Variants in ARSG observed in about 807,000 individuals in gnomAD.
ARSG encodes the protein ASG.
In ARSG, 37 loss-of-function variants were observed where a neutral mutation model predicts 50.5. The ratio of observed to expected loss-of-function variants is 0.73; its 90% CI spans 0.56 to 0.96. The LOEUF is 0.96. Ranked by LOEUF, ARSG falls within the 50% of genes least tolerant of loss-of-function variation. The probability of loss-of-function intolerance (pLI) is 0.00; values close to 1 mark genes in which losing one functional copy is unlikely to be tolerated. For missense variants in ARSG, 629 were observed against 675.3 expected (o/e 0.93, Z 0.76); for synonymous variants, 225 against 254.6 (o/e 0.88, Z 1.11).
intron 1 of ARSG, among the ~76,000 whole-genome samples, chr17:68,305,524 C>T (rs748587812): frequency 4.6e-5 from 7 of 152,140 alleles, no homozygotes; most frequent in Non-Finnish European, 7.3e-5. Context: ...TTCATATGTA[C>T]CTCCATGTGT....
chr17:68,341,971 C>T (rs970838199), intron 2 of ARSG, among the ~76,000 whole-genome samples: 16 of 152,062 alleles, frequency 1.1e-4, no homozygotes, highest in Middle Eastern at 3.4e-3. Flanking sequence ...AGGCATGCAC[C>T]ACCATGCCTG....
intron 8 of ARSG, among the ~76,000 whole-genome samples, chr17:68,377,986 ACTT>A (rs1044072955): frequency 2.0e-4 from 30 of 152,250 alleles, no homozygotes; most frequent in East Asian, 1.2e-3. Flanking sequence ...GGGGGTAAAT[ACTT>A]CTTCTTCCTC....
chr17:68,360,075 T>C (rs1006328274), intron 6 of ARSG, among the ~76,000 whole-genome samples: 1 of 152,194 alleles, frequency 6.6e-6, no homozygotes, highest in Non-Finnish European at 1.5e-5. Flanking sequence ...GGCCGTTTAA[T>C]GCCCCCTCCG....
intron 11 of ARSG, among the ~76,000 whole-genome samples, chr17:68,407,027 A>G (rs951083482): frequency 1.3e-5 from 2 of 152,240 alleles, no homozygotes; most frequent in Non-Finnish European, 2.9e-5. Context: ...TTCTTAATCC[A>G]TGTTGAGTTG....
At chr17:68,404,552 C>T (rs1345812973) in intron 11 of ARSG, among the ~76,000 whole-genome samples, 1 of 152,078 alleles carries the variant, frequency 6.6e-6, no homozygotes, top group Non-Finnish European at 1.5e-5. Flanking sequence ...AATGATGTAT[C>T]ATACTTTTTA....
chr17:68,370,972 C>T (rs564891809), intron 8 of ARSG, among the ~76,000 whole-genome samples: 97 of 129,924 alleles, frequency 7.5e-4, no homozygotes, highest in African/African-American at 1.9e-3. Flanking sequence ...ACATTGTCTC[C>T]AGTTCTTACA....
downstream of ARSG, chr17:68,422,107 A>G: frequency 2.6e-6 from 1 of 383,782 alleles, no homozygotes; most frequent in Non-Finnish European, 4.9e-6. Context: ...TCTTACTTGT[A>G]AACATGGACT....
the ARSG span, among the ~76,000 whole-genome samples, chr17:68,445,944 G>A: frequency 0.11 from 16,216 of 152,122 alleles, 949 homozygotes; most frequent in South Asian, 0.21. Context: ...GTTTTTAGAC[G>A]AATACCAGGT....
rs782183715 is a variant in ARSG, at chr17:68,307,727, C to T, written c.218+16C>T. On this transcript the variant is annotated intron_variant, in intron 2 of 11. Coordinates refer to ENST00000621439, the MANE Select transcript of ARSG (RefSeq NM_001267727.2). ...AGGGAATGAGGTGAGTCTTGAGATG[C>T]CAGGCCAGCCTTTCTTTGGATGTCT... 3.7e-6 allele frequency: 5 copies of T among 1,355,436 alleles called. No individual in the cohort carries two copies. The highest frequency in any genetic ancestry group is 5.3e-6 in the Non-Finnish European group (5 of 946,784). 84.0% of individuals were successfully genotyped at this position (1,355,436 alleles called of 1,614,324 possible).
intron 1 of ARSG, among the ~76,000 whole-genome samples, chr17:68,297,629 TAAAA>T (rs1289461739): frequency 1.1e-4 from 16 of 152,282 alleles, no homozygotes; most frequent in Admixed American, 9.2e-4. Context: ...TTTTTAAAAT[TAAAA>T]AAATTTTTTT....
intron 1 of ARSG, among the ~76,000 whole-genome samples, chr17:68,305,352 C>A (rs1328946978): frequency 2.0e-5 from 3 of 152,148 alleles, no homozygotes; most frequent in African/African-American, 4.8e-5. Flanking sequence ...TTTCTTCTTG[C>A]ACTAGCCTCA....
intron 2 of ARSG, among the ~76,000 whole-genome samples, chr17:68,315,378 C>G (rs1394336436): frequency 6.6e-6 from 1 of 151,880 alleles, no homozygotes; most frequent in Non-Finnish European, 1.5e-5. Flanking sequence ...TTCATCTCTA[C>G]AAAAAAATCA....
intron 1 of ARSG, chr17:68,269,005 A>C: frequency 6.4e-7 from 1 of 1,565,156 alleles, no homozygotes; most frequent in Admixed American, 1.9e-5. Context: ...AGTGGAGTAG[A>C]GGGGTTAGCT....
intron 9 of ARSG, among the ~76,000 whole-genome samples, chr17:68,390,021 C>A (rs2080919634): frequency 6.6e-6 from 1 of 151,974 alleles, no homozygotes; most frequent in Admixed American, 6.6e-5. Flanking sequence ...GAGTTTCACT[C>A]TTGTCACCCA....
At chr17:68,284,775 C>T (rs530243935) in intron 1 of ARSG, among the ~76,000 whole-genome samples, 69 of 152,266 alleles carry the variant, frequency 4.5e-4, no homozygotes, top group Admixed American at 1.8e-3. Context: ...TACACTATTA[C>T]GGCTAAATAT....
At chr17:68,445,541 A>C in the ARSG span, among the ~76,000 whole-genome samples, 452 of 152,006 alleles carry the variant, frequency 3.0e-3, 4 homozygotes, top group African/African-American at 0.01. Context: ...CCACGTCCCC[A>C]CTGTTCCTTC....
At chr17:68,355,363 G>T (rs564288565) in intron 5 of ARSG, among the ~76,000 whole-genome samples, 1 of 152,172 alleles carries the variant, frequency 6.6e-6, no homozygotes, top group Non-Finnish European at 1.5e-5. Flanking sequence ...TTGAGCTTGT[G>T]TTGTTTTGTT....
chr17:68,438,683 C>T, the ARSG span, among the ~76,000 whole-genome samples: 1 of 152,212 alleles, frequency 6.6e-6, no homozygotes, highest in African/African-American at 2.4e-5. Flanking sequence ...TCACTGCAAC[C>T]TCCGCCTCTT....
intron 1 of ARSG, among the ~76,000 whole-genome samples, chr17:68,291,902 C>G (rs1392597641): frequency 6.6e-6 from 1 of 151,802 alleles, no homozygotes; most frequent in Non-Finnish European, 1.5e-5. Flanking sequence ...GGGCTGATCC[C>G]GCGCGGCGCT....
Sources: gnomAD v4.1 joint callset for allele counts (sites outside exome capture counted in the v4.1 genomes callset) on GRCh38, gnomAD v4.1.1 for gene constraint, MANE v1.5 for transcripts, NCBI Gene and HGNC (gene_info 2026-07-23, HGNC 2026-07-21) for gene names.